The following AGBL3 variants were observed in gnomAD, a reference collection of about 807,000 sequenced individuals.
The protein encoded by AGBL3 is cytosolic carboxypeptidase 3.
AGBL3 carries 68 observed loss-of-function variants against 94.5 expected under a neutral mutation model. The ratio of observed to expected loss-of-function variants is 0.72; its 90% confidence interval spans 0.59 to 0.88. The LOEUF is 0.88. AGBL3 is among the 40% of genes least tolerant of loss of function. AGBL3 has a pLI of 0.00. For missense variants in AGBL3, 934 were observed against 1,103.8 expected (o/e 0.85, Z 2.18); for synonymous variants, 354 against 370.7 (o/e 0.95, Z 0.52).
At chr7:135,032,777 T>A (rs73725210) in intron 5 of AGBL3, 67 bp from the exon 6 acceptor site, 23 of 1,414,972 alleles carry the variant, frequency 1.6e-5, no homozygotes, top group Non-Finnish European at 2.1e-5. Context: ...TGCTCCAAAC[T>A]CTGTGCAGAA....
Position 135,045,895 on chromosome 7 carries a change from T to A in AGBL3, c.1825T>A (p.Leu609Met). Residue 609 changes from leucine (L) to methionine (M), a missense_variant, in exon 11 of 17, where the codon TTG (leucine) becomes ATG (methionine). Around this residue, in one of 3 missense-constraint regions of AGBL3, gnomAD observed 441 missense variants for 518.2 expected, o/e 0.85. Coordinates refer to ENST00000436302, the MANE Select transcript of AGBL3 (RefSeq NM_178563.4). ...DSDTPVIDITLDVESSSRGSD... is the reference protein window; with the variant it reads ...DSDTPVIDITMDVESSSRGSD... ...AGACACACCTGTGATAGACATTACA[T>A]TGGATGTAGAGTCTAGGTAACTCAA... The A allele has an allele frequency of 5.8e-6, 9 of 1,547,530 alleles. No homozygotes were observed. Among genetic ancestry groups the A allele is most frequent in the Non-Finnish European group, 7.9e-6 (9 of 1,143,702 alleles).
chr7:135,135,774 T>C lies in AGBL3; in HGVS notation c.*513T>C, dbSNP rs1173721156. On this transcript the variant is annotated 3_prime_UTR_variant, in exon 17 of 17. Transcript: ENST00000436302. Reference sequence around the variant, plus strand: ...ATACCTGAATAAAATGATTACAGAATAAGATAAAGTGTTAAGTTGTGCACT... The same window carrying C: ...ATACCTGAATAAAATGATTACAGAACAAGATAAAGTGTTAAGTTGTGCACT... 6.6e-6 allele frequency: 1 copy of C among 152,170 alleles called. No individual in the cohort carries two copies. The highest frequency in any genetic ancestry group is 2.4e-5 in the African/African-American group (1 of 41,436). The allele number at this position is 152,170 out of a possible 1,614,324, so 9.4% of individuals were successfully genotyped here.
At chr7:134,992,038 T>C (rs1810355928) in intron 3 of AGBL3, among the ~76,000 whole-genome samples, 1 of 152,218 alleles carries the variant, frequency 6.6e-6, no homozygotes, top group African/African-American at 2.4e-5. Flanking sequence ...TAGAGTTTAG[T>C]TGGAATTAGT....
intron 12 of AGBL3, among the ~76,000 whole-genome samples, chr7:135,064,969 C>T (rs1819154731): frequency 1.3e-5 from 2 of 152,132 alleles, no homozygotes; most frequent in Non-Finnish European, 2.9e-5. Context: ...GCTTTCATCT[C>T]ATTTCTGCCT....
At chr7:135,010,915 C>T (rs965645613) in intron 4 of AGBL3, 4 of 152,028 alleles carry the variant, frequency 2.6e-5, no homozygotes, top group African/African-American at 9.7e-5. Flanking sequence ...TCTACATGTC[C>T]CATGCAATAC....
chr7:135,125,130 T>A (rs1827691650), intron 16 of AGBL3, among the ~76,000 whole-genome samples: 1 of 150,624 alleles, frequency 6.6e-6, no homozygotes, highest in East Asian at 1.9e-4. Flanking sequence ...TTTAAAAAAA[T>A]TAACAAAATA....
At chr7:135,113,912 A>G (rs1267742455) in intron 15 of AGBL3, among the ~76,000 whole-genome samples, 3 of 152,192 alleles carry the variant, frequency 2.0e-5, no homozygotes, top group Admixed American at 6.5e-5. Flanking sequence ...ATTCTAGTCA[A>G]ATTAGGAAGT....
rs554639854 is a variant in AGBL3 at position 134,992,806 on chromosome 7, C to T, written c.125-687C>T. 7.6e-4 allele frequency among the ~76,000 whole-genome samples: 115 copies of T among 152,230 alleles called. 4 individuals are homozygous for T. The South Asian group carries it at 0.022, about 29-fold the overall frequency. ...ACAAAAATAACCAAGAACTAAATCT[C>T]GGCAAAAAGCCACATTTCAGAGGTG... On this transcript the variant is annotated intron_variant, in intron 3 of 16. Transcript: ENST00000436302.
intron 15 of AGBL3, among the ~76,000 whole-genome samples, chr7:135,111,461 C>G (rs1825628383): frequency 6.6e-6 from 1 of 152,184 alleles, no homozygotes; most frequent in Non-Finnish European, 1.5e-5. Flanking sequence ...TCCCTTGATT[C>G]ATTGAGCTAT....
At chr7:135,071,034 G>A (rs553474210) in intron 12 of AGBL3, among the ~76,000 whole-genome samples, 3 of 152,158 alleles carry the variant, frequency 2.0e-5, no homozygotes, top group Admixed American at 2.0e-4. Flanking sequence ...AAAGTCTCAG[G>A]ATACAAAATC....
chr7:135,093,263 T>C (rs535080807), intron 15 of AGBL3: 20 of 151,618 alleles, frequency 1.3e-4, no homozygotes, highest in African/African-American at 4.3e-4. Context: ...GTAGGATATA[T>C]GTTCTTGTAT....
chr7:135,094,355 G>T, intron 15 of AGBL3: 1 of 456,588 alleles, frequency 2.2e-6, no homozygotes. Flanking sequence ...CGAATCCAGG[G>T]AGTCACTGCT....
intron 2 of AGBL3, 95 bp from the exon 3 acceptor site, chr7:134,989,155 T>C (rs1259034755): frequency 3.8e-6 from 3 of 784,940 alleles, no homozygotes; most frequent in Non-Finnish European, 6.2e-6. Context: ...TAAAGACATA[T>C]ACTCAATCCC....
chr7:135,015,732 AGG>A (rs1233622538), intron 4 of AGBL3, among the ~76,000 whole-genome samples: 9 of 151,814 alleles, frequency 5.9e-5, no homozygotes, highest in Non-Finnish European at 1.0e-4. Context: ...CAGCATACAC[AGG>A]CCGGGCATGG....
intron 11 of AGBL3, among the ~76,000 whole-genome samples, chr7:135,054,345 T>C (rs1225119982): frequency 4.6e-5 from 7 of 152,216 alleles, no homozygotes; most frequent in Non-Finnish European, 7.3e-5. Context: ...GGAGAAATTT[T>C]CCAAATGAAA....
At chr7:135,070,291 G>A (rs1329553311) in intron 12 of AGBL3, among the ~76,000 whole-genome samples, 1 of 152,148 alleles carries the variant, frequency 6.6e-6, no homozygotes, top group Non-Finnish European at 1.5e-5. Context: ...AATTCTACCA[G>A]ATGTACAAGG....
chr7:135,026,555 G>A (rs918946113), intron 5 of AGBL3, among the ~76,000 whole-genome samples: 12 of 151,484 alleles, frequency 7.9e-5, no homozygotes, highest in South Asian at 2.1e-4. Context: ...GATTATGGGC[G>A]TAAGCCACCA....
At chr7:134,988,409 C>T (rs1354854641) in intron 2 of AGBL3, 1 of 153,776 alleles carries the variant, frequency 6.5e-6, no homozygotes, top group African/African-American at 2.4e-5. Flanking sequence ...TTTATTGTGG[C>T]TCTGATGTCA....
At chr7:135,116,558 A>C (rs2348279) in intron 16 of AGBL3, among the ~76,000 whole-genome samples, 6 of 151,952 alleles carry the variant, frequency 3.9e-5, no homozygotes, top group African/African-American at 7.3e-5. Context: ...TCCATTGAGT[A>C]TGGAAATCTC....
Sources: gnomAD v4.1 joint callset for allele counts (sites outside exome capture counted in the v4.1 genomes callset) on GRCh38, gnomAD v4.1.1 for gene constraint, gnomAD v4.1.1 regional missense constraint, MANE v1.5 for transcripts, NCBI Gene and HGNC (gene_info 2026-07-23, HGNC 2026-07-21) for gene names.